Variants in ATP13A3 observed in about 807,000 individuals in gnomAD.
ATP13A3 encodes ATPase 13A3, also known as polyamine-transporting ATPase 13A3.
Under a neutral mutation model 158.1 loss-of-function variants are expected in ATP13A3, and 59 were observed. That is an observed-to-expected ratio of 0.37 (90% confidence interval 0.30 to 0.46). The LOEUF is 0.46. Among genes scored for constraint, ATP13A3 ranks in the 20% least tolerant of loss-of-function variants. The pLI is 1.00. For synonymous variants in ATP13A3, 491 were observed against 504.3 expected, an observed-to-expected ratio of 0.97 and a Z score of 0.35; for missense variants, 1,166 against 1,525.2, an observed-to-expected ratio of 0.76 and a Z score of 3.92.
chr3:194,461,450 C>T (rs1021474322), intron 3 of ATP13A3, among the ~76,000 whole-genome samples: 2 of 152,044 alleles, frequency 1.3e-5, no homozygotes, highest in Non-Finnish European at 2.9e-5. Flanking sequence ...TACATTTGGA[C>T]GAATAGATTT....
intron 2 of ATP13A3, among the ~76,000 whole-genome samples, chr3:194,479,028 C>A (rs905375020): frequency 6.6e-6 from 1 of 152,094 alleles, no homozygotes; most frequent in African/African-American, 2.4e-5. Flanking sequence ...CTTATCATTG[C>A]CACAACTATT....
intron 2 of ATP13A3, among the ~76,000 whole-genome samples, chr3:194,463,867 A>AG (rs1719826842): frequency 6.6e-6 from 1 of 152,362 alleles, no homozygotes; most frequent in African/African-American, 2.4e-5. Flanking sequence ...AACCAATAAG[A>AG]GGGGTCTATC....
chr3:194,455,842 G>C (rs1404394853), intron 8 of ATP13A3, 51 bp downstream of exon 8: 2 of 1,090,896 alleles, frequency 1.8e-6, no homozygotes, highest in African/African-American at 3.3e-5. Context: ...ATTCCAAATT[G>C]ACACATCCAT....
intron 2 of ATP13A3, among the ~76,000 whole-genome samples, chr3:194,478,764 C>T (rs1409532455): frequency 3.9e-5 from 6 of 152,268 alleles, no homozygotes; most frequent in Admixed American, 6.5e-5. Context: ...AAGAATACAA[C>T]GTGAATGGTA....
rs77637245 is a variant in ATP13A3 at position 194,426,685 on chromosome 3, T to C, written c.3125+390A>G. ...AATACAAGCCAAATTATGTAAGTGT[T>C]TAAAGCAGCCTGCATGCAAACTTTG... On this transcript the variant is annotated intron_variant, in intron 29 of 33. Coordinates refer to ENST00000645319, the MANE Select transcript of ATP13A3 (RefSeq NM_001367549.1). Among the ~76,000 whole-genome samples, 390 of 152,260 alleles carry C rather than the reference T, an allele frequency of 2.6e-3. 2 individuals are homozygous for C. The highest frequency in any genetic ancestry group is 8.9e-3 in the African/African-American group (369 of 41,548).
At chr3:194,409,215 A>T (rs1477053831) in intron 33 of ATP13A3, among the ~76,000 whole-genome samples, 1 of 152,214 alleles carries the variant, frequency 6.6e-6, no homozygotes, top group Non-Finnish European at 1.5e-5. Flanking sequence ...GCAGTATATA[A>T]AACAGAATGC....
chr3:194,410,296 CAAAAAAAAAAAAAAAAAAAAAA>C (rs772008929), intron 33 of ATP13A3, among the ~76,000 whole-genome samples: 1 of 21,806 alleles, frequency 4.6e-5, no homozygotes, highest in Non-Finnish European at 7.7e-5. Context: ...CTCCTCTCTG[CAAAAAAAAAAAAAAAAAAAAAA>C]AAAAAAAAAA....
intron 17 of ATP13A3, among the ~76,000 whole-genome samples, 178 bp from the exon 18 acceptor site, chr3:194,437,751 T>C (rs998235224): frequency 5.9e-5 from 9 of 152,260 alleles, no homozygotes; most frequent in Middle Eastern, 3.2e-3. Context: ...AAAAGTATGT[T>C]CTTAAATATT....
At chr3:194,422,505 A>G (rs1426997372) in intron 30 of ATP13A3, among the ~76,000 whole-genome samples, 1 of 152,232 alleles carries the variant, frequency 6.6e-6, no homozygotes, top group Non-Finnish European at 1.5e-5. Context: ...ATTTACAGTC[A>G]AATTATTTTA....
At chr3:194,461,940 C>T (rs909250587) in intron 3 of ATP13A3, among the ~76,000 whole-genome samples, 200 bp downstream of exon 3, 10 of 152,160 alleles carry the variant, frequency 6.6e-5, no homozygotes, top group African/African-American at 2.4e-4. Flanking sequence ...TAACAGACCA[C>T]AGGTAAAAAA....
intron 29 of ATP13A3, among the ~76,000 whole-genome samples, chr3:194,426,395 T>G (rs1476149290): frequency 6.6e-6 from 1 of 152,196 alleles, no homozygotes; most frequent in African/African-American, 2.4e-5. Context: ...CACTCTACAC[T>G]CTACGAAAAG....
chr3:194,468,328 T>C (rs1372735973), intron 2 of ATP13A3: 4 of 149,922 alleles, frequency 2.7e-5, no homozygotes, highest in Admixed American at 6.6e-5. Context: ...TTATAGGCTA[T>C]TGTGCTTAAC....
chr3:194,443,336 C>T (rs1175341157), intron 15 of ATP13A3, among the ~76,000 whole-genome samples: 1 of 151,838 alleles, frequency 6.6e-6, no homozygotes, highest in Non-Finnish European at 1.5e-5. Context: ...AATGTAAGAA[C>T]AAGCAGTATA....
chr3:194,413,368 T>A (rs1333061635), intron 32 of ATP13A3, among the ~76,000 whole-genome samples: 1 of 152,110 alleles, frequency 6.6e-6, no homozygotes, highest in Non-Finnish European at 1.5e-5. Context: ...AGAATGGCCC[T>A]CCCCCTTCCC....
intron 28 of ATP13A3, among the ~76,000 whole-genome samples, chr3:194,428,364 C>T (rs943383194): frequency 6.6e-6 from 1 of 152,082 alleles, no homozygotes; most frequent in African/African-American, 2.4e-5. Context: ...ATAAGTGGTT[C>T]TCAACTGGAG....
chr3:194,457,219 C>A, intron 6 of ATP13A3, 45 bp from the exon 7 acceptor site: 1 of 1,467,690 alleles, frequency 6.8e-7, no homozygotes, highest in Non-Finnish European at 9.5e-7. Flanking sequence ...TTTAAAATAT[C>A]CAAATTTCTT....
At chr3:194,408,254 G>A (rs1481009892) in intron 33 of ATP13A3, among the ~76,000 whole-genome samples, 3 of 152,116 alleles carry the variant, frequency 2.0e-5, no homozygotes, top group South Asian at 2.1e-4. Flanking sequence ...TCCTGACCCC[G>A]TGATCCATCC....
At chr3:194,414,700 A>AT (rs1300878767) in intron 31 of ATP13A3, among the ~76,000 whole-genome samples, 4 of 152,234 alleles carry the variant, frequency 2.6e-5, no homozygotes, top group African/African-American at 9.6e-5. Context: ...AAAGGCACAG[A>AT]TAAATAGACA....
intron 31 of ATP13A3, among the ~76,000 whole-genome samples, chr3:194,416,922 A>G (rs926447412): frequency 6.6e-6 from 1 of 152,214 alleles, no homozygotes; most frequent in Non-Finnish European, 1.5e-5. Flanking sequence ...AAGGGATCAA[A>G]AACTGTTATT....
Sources: gnomAD v4.1 joint callset for allele counts (sites outside exome capture counted in the v4.1 genomes callset) on GRCh38, gnomAD v4.1.1 for gene constraint, MANE v1.5 for transcripts, NCBI Gene and HGNC (gene_info 2026-07-23, HGNC 2026-07-21) for gene names.